PPARGC1B: variants seen among roughly 807,000 people sequenced by gnomAD.
PPARGC1B encodes the protein peroxisome proliferator-activated receptor gamma coactivator 1-beta.
A neutral mutation model predicts 101.6 loss-of-function variants in PPARGC1B; 34 were observed. The ratio of observed to expected loss-of-function variants is 0.33; its 90% confidence interval spans 0.25 to 0.45. PPARGC1B has a LOEUF of 0.45. PPARGC1B is among the 20% of genes least tolerant of loss of function. The pLI, the probability that PPARGC1B is intolerant of heterozygous loss-of-function variation, is 1.00. For synonymous variants in PPARGC1B, 548 were observed against 539.3 expected, an observed-to-expected ratio of 1.02 and a Z score of -0.22; for missense variants, 1,234 against 1,317.6, an observed-to-expected ratio of 0.94 and a Z score of 0.98.
At chr5:149,757,383 A>T (rs1755571708) in intron 1 of PPARGC1B, among the ~76,000 whole-genome samples, 1 of 151,954 alleles carries the variant, frequency 6.6e-6, no homozygotes, top group Non-Finnish European at 1.5e-5. Flanking sequence ...TATGCTAGTT[A>T]TAAATCAGTG....
At chr5:149,767,726 G>A (rs1755964655) in intron 1 of PPARGC1B, among the ~76,000 whole-genome samples, 1 of 151,998 alleles carries the variant, frequency 6.6e-6, no homozygotes, top group South Asian at 2.1e-4. Flanking sequence ...TCACTGAGCT[G>A]GACTCCACTC....
rs76458416 is a variant in PPARGC1B at position 149,786,750 on chromosome 5, G to A, written c.79-33683G>A. Among the ~76,000 whole-genome samples the A allele has an allele frequency of 8.1e-3, 1,234 of 152,336 alleles. 19 individuals are homozygous for A. Among genetic ancestry groups the A allele is most frequent in the African/African-American group, 0.028 (1,182 of 41,570 alleles). On this transcript the variant is annotated intron_variant, in intron 1 of 11. Transcript: ENST00000309241. Reference sequence around the variant, plus strand: ...AGAAAAGACAGACTTCAGAGGGTTCGAGTGGAGATCAGCAAACAGCAGGAA... The same window carrying A: ...AGAAAAGACAGACTTCAGAGGGTTCAAGTGGAGATCAGCAAACAGCAGGAA...
intron 1 of PPARGC1B, among the ~76,000 whole-genome samples, chr5:149,748,311 AGATATAGATATATC>A (rs1755161311): frequency 7.3e-6 from 1 of 136,850 alleles, no homozygotes; most frequent in African/African-American, 2.9e-5. Flanking sequence ...ATATAGATAT[AGATATAGATATATC>A]TATATATATA....
At chr5:149,784,177 T>G (rs374372100) in intron 1 of PPARGC1B, among the ~76,000 whole-genome samples, 1 of 152,200 alleles carries the variant, frequency 6.6e-6, no homozygotes, top group African/African-American at 2.4e-5. Flanking sequence ...GAGCCCACCC[T>G]AATTTATCCT....
At chr5:149,771,956 C>T in intron 1 of PPARGC1B, 1 of 1,300,592 alleles carries the variant, frequency 7.7e-7, no homozygotes, top group South Asian at 1.7e-5. Flanking sequence ...TCATTTTAAT[C>T]CTCAAGCAAC....
At chr5:149,780,942 G>A (rs1756575223) in intron 1 of PPARGC1B, among the ~76,000 whole-genome samples, 1 of 152,236 alleles carries the variant, frequency 6.6e-6, no homozygotes, top group African/African-American at 2.4e-5. Flanking sequence ...GGTGGCTCAT[G>A]CCTGTAATCC....
chr5:149,830,745 G>A (rs201495848), intron 3 of PPARGC1B, 22 bp from the exon 4 acceptor site: 52 of 1,584,898 alleles, frequency 3.3e-5, no homozygotes, highest in Non-Finnish European at 4.4e-5. Context: ...CCCGGCTCCT[G>A]TCCTCTCTGC....
Position 149,835,364 on chromosome 5 carries a change from A to G in PPARGC1B, c.1806A>G (p.Ala602=). ...QTLTVELCGT[A]GLTPPTTPPY... is the part of the protein sequence containing the mutation. ...TGACAGTGGAGCTCTGTGGCACAGC[A>G]GGTGAGCCAGGGGGCTTCCACTGGC... The change falls in exon 7 of 12, where the codon GCA becomes GCG. Residue 602 remains alanine (A), a splice_region_variant and synonymous_variant. Coordinates refer to ENST00000309241, the MANE Select transcript of PPARGC1B (RefSeq NM_133263.4). 1.2e-6 allele frequency: 2 copies of G among 1,614,046 alleles called. No individual in the cohort carries two copies. The highest frequency in any genetic ancestry group is 1.7e-6 in the Non-Finnish European group (2 of 1,179,910).
chr5:149,745,745 G>A (rs1451933411), intron 1 of PPARGC1B, among the ~76,000 whole-genome samples: 4 of 133,294 alleles, frequency 3.0e-5, no homozygotes, highest in Non-Finnish European at 7.0e-5. Context: ...GAAAATAGAG[G>A]TCTAGAGAGT....
Position 149,833,243 on chromosome 5 carries a change from G to A in PPARGC1B, c.1170G>A (p.Ser390=), listed in dbSNP as rs558975065. The A allele has an allele frequency of 1.2e-4, 192 of 1,613,336 alleles. 3 individuals carry two copies. In the South Asian group the frequency reaches 1.9e-3, roughly 16 times the overall value. The change falls in exon 5 of 12, where the codon TCG becomes TCA. Residue 390 remains serine, a synonymous_variant. Coordinates refer to ENST00000309241, the MANE Select transcript of PPARGC1B (RefSeq NM_133263.4). This position sits in a 1 kb window ranked among gnomAD's most constrained non-coding sequence, Gnocchi z 4.1. ...AGGCCTCCCCTGGTCGCCCGTCCTC[G>A]GTGGAGGAGGTAAGGATCGCAGCTT... ...DSQASPGRPS[S]VEEVRIAASP...
At chr5:149,752,782 T>C (rs546968821) in intron 1 of PPARGC1B, among the ~76,000 whole-genome samples, 129 of 152,290 alleles carry the variant, frequency 8.5e-4, no homozygotes, top group African/African-American at 2.9e-3. Context: ...TGAGCCAAGA[T>C]CGTACCATTG....
chr5:149,758,946 T>A (rs1309568352), intron 1 of PPARGC1B, among the ~76,000 whole-genome samples: 4 of 152,224 alleles, frequency 2.6e-5, no homozygotes, highest in Non-Finnish European at 5.9e-5. Flanking sequence ...AATGAAAGGC[T>A]AGTTTTAGAA....
chr5:149,786,643 C>T (rs1049796155), intron 1 of PPARGC1B, among the ~76,000 whole-genome samples: 8 of 152,192 alleles, frequency 5.3e-5, no homozygotes, highest in African/African-American at 1.9e-4. Flanking sequence ...ACAGGGTGGG[C>T]TGTCTAACCC....
chr5:149,765,483 C>T (rs1755875029), intron 1 of PPARGC1B, among the ~76,000 whole-genome samples: 1 of 152,184 alleles, frequency 6.6e-6, no homozygotes, highest in South Asian at 2.1e-4. Flanking sequence ...TGTCATATCT[C>T]CTCTGGTCTG....
intron 2 of PPARGC1B, among the ~76,000 whole-genome samples, 172 bp downstream of exon 2, chr5:149,820,778 G>A (rs997397686): frequency 2.6e-5 from 4 of 152,158 alleles, no homozygotes; most frequent in Non-Finnish European, 5.9e-5. Context: ...CTGATCTGGC[G>A]CAGCGCACAT....
intron 1 of PPARGC1B, among the ~76,000 whole-genome samples, chr5:149,768,274 C>G (rs1232437636): frequency 3.9e-5 from 6 of 152,102 alleles, no homozygotes; most frequent in African/African-American, 1.4e-4. Flanking sequence ...ACTTGCCACT[C>G]AGCGATAGGG....
chr5:149,809,115 T>TAGATAGATAGA (rs1554078892), intron 1 of PPARGC1B, among the ~76,000 whole-genome samples: 17 of 84,094 alleles, frequency 2.0e-4, no homozygotes, highest in African/African-American at 6.3e-4. Flanking sequence ...TATCTCCACC[T>TAGATAGATAGA]TAGATAGATA....
At chr5:149,765,456 G>GA (rs1755874170) in intron 1 of PPARGC1B, among the ~76,000 whole-genome samples, 1 of 152,216 alleles carries the variant, frequency 6.6e-6, no homozygotes, top group East Asian at 1.9e-4. Flanking sequence ...TCCTAGTCGA[G>GA]AAAATGGGAA....
At chr5:149,785,205 A>G (rs749147148) in intron 1 of PPARGC1B, among the ~76,000 whole-genome samples, 1 of 152,142 alleles carries the variant, frequency 6.6e-6, no homozygotes, top group Non-Finnish European at 1.5e-5. Context: ...TCCAGTCCAC[A>G]CAACAAGAGA....
Sources: allele counts gnomAD v4.1 joint callset (sites outside exome capture counted in the v4.1 genomes callset), GRCh38; gene constraint gnomAD v4.1.1; non-coding constraint Gnocchi (gnomAD v3.1); transcripts MANE v1.5; gene names NCBI Gene and HGNC (gene_info 2026-07-23, HGNC 2026-07-21).